The following SORBS2 variants were observed in gnomAD, a reference collection of about 807,000 sequenced individuals.
The protein encoded by SORBS2 is sorbin and SH3 domain containing 2.
SORBS2 carries 46 observed loss-of-function variants against 97.7 expected under a neutral mutation model. The ratio of observed to expected loss-of-function variants is 0.47; its 90% confidence interval spans 0.37 to 0.60. SORBS2 has a LOEUF of 0.60. Among genes scored for constraint, SORBS2 ranks in the 20% least tolerant of loss-of-function variants. The pLI, the probability that SORBS2 is intolerant of heterozygous loss-of-function variation, is 0.00. For synonymous variants in SORBS2, 476 were observed against 473.4 expected, an observed-to-expected ratio of 1.01 and a Z score of -0.07; for missense variants, 1,316 against 1,282.3, an observed-to-expected ratio of 1.03 and a Z score of -0.40.
intron 1 of SORBS2, among the ~76,000 whole-genome samples, chr4:185,784,266 G>A (rs532412091): frequency 6.6e-6 from 1 of 152,182 alleles, no homozygotes; most frequent in East Asian, 1.9e-4. Flanking sequence ...CGAGTAGCTG[G>A]GACTACAGGC....
At chr4:185,869,938 T>C (rs892991312) in intron 1 of SORBS2, among the ~76,000 whole-genome samples, 46 of 152,242 alleles carry the variant, frequency 3.0e-4, no homozygotes, top group Admixed American at 3.0e-3. Flanking sequence ...AAATAAAATA[T>C]TCCCATAAGA....
At chr4:185,797,423 C>T (rs1375794936) in intron 1 of SORBS2, among the ~76,000 whole-genome samples, 1 of 152,158 alleles carries the variant, frequency 6.6e-6, no homozygotes, top group African/African-American at 2.4e-5. Context: ...CATTACTTTT[C>T]CTCTGTAAAG....
intron 2 of SORBS2, among the ~76,000 whole-genome samples, chr4:185,694,706 C>CTTTCTTTTTT (rs1388020260): frequency 1.6e-5 from 2 of 124,246 alleles, no homozygotes; most frequent in African/African-American, 5.9e-5. Context: ...CCTTTTCTTT[C>CTTTCTTTTTT]TTTTCTTTTC....
intron 1 of SORBS2, among the ~76,000 whole-genome samples, chr4:185,805,987 C>G (rs895467835): frequency 5.3e-5 from 8 of 152,212 alleles, no homozygotes; most frequent in Non-Finnish European, 7.3e-5. Context: ...TTTTAAGCAG[C>G]CAAGCGTTGC....
At chr4:185,814,821 T>C (rs1229548671) in intron 1 of SORBS2, among the ~76,000 whole-genome samples, 1 of 152,246 alleles carries the variant, frequency 6.6e-6, no homozygotes, top group African/African-American at 2.4e-5. Context: ...CAGTCTGTTC[T>C]TCCAAGGCTC....
chr4:185,728,507 A>G (rs993006423), intron 2 of SORBS2, among the ~76,000 whole-genome samples: 1 of 151,966 alleles, frequency 6.6e-6, no homozygotes, highest in Non-Finnish European at 1.5e-5. Context: ...TTGTGTAAGC[A>G]TGGTGGTCGG....
intron 4 of SORBS2, among the ~76,000 whole-genome samples, chr4:185,639,774 C>G (rs1319046181): frequency 6.6e-6 from 1 of 152,158 alleles, no homozygotes; most frequent in Non-Finnish European, 1.5e-5. Context: ...CTGTGACTCC[C>G]AAGACATATT....
Position 185,623,801 on chromosome 4 carries a change from G to T in SORBS2, c.1328C>A (p.Pro443Gln). 2 of 1,614,174 alleles carry T rather than the reference G, an allele frequency of 1.2e-6. No homozygotes were observed. Among genetic ancestry groups the T allele is most frequent in the Non-Finnish European group, 1.7e-6 (2 of 1,180,032 alleles). ...CCTCTTGGGACATAGGCCATTTTGCGGTGGTTCTAGGGTTACGGGAGACAG... is the reference window on the plus strand; with the variant it reads ...CCTCTTGGGACATAGGCCATTTTGCTGTGGTTCTAGGGTTACGGGAGACAG... Residue 443 changes from proline to glutamine, a missense_variant, in exon 7 of 15, where the codon CCG becomes CAG. Physicochemically the swap from Pro to Gln is moderately conservative, Grantham distance 76 (BLOSUM62 -1). Transcript: ENST00000418609. The surrounding 1 kb of genome is among the most constrained non-coding windows in gnomAD (Gnocchi z 6.4).
intron 4 of SORBS2, chr4:185,635,389 T>G (rs1470148762): frequency 6.2e-7 from 1 of 1,613,874 alleles, no homozygotes; most frequent in Non-Finnish European, 8.5e-7. Context: ...ATCTTGAACA[T>G]AGTCCAGAGG....
chr4:185,908,290 T>TATATATATATATATTTGTATACACACAA (rs1561289359), intron 1 of SORBS2, among the ~76,000 whole-genome samples: 20 of 49,242 alleles, frequency 4.1e-4, no homozygotes, highest in South Asian at 1.2e-3. Flanking sequence ...TATATATATA[T>TATATATATATATATTTGTATACACACAA]ATATATATAT....
chr4:185,768,872 G>A (rs1436993955), intron 2 of SORBS2, among the ~76,000 whole-genome samples: 1 of 152,144 alleles, frequency 6.6e-6, no homozygotes, highest in Non-Finnish European at 1.5e-5. Flanking sequence ...GCTACAGAGT[G>A]AAATTCCATA....
chr4:185,722,296 A>C (rs1485233542), intron 2 of SORBS2, among the ~76,000 whole-genome samples: 2 of 152,238 alleles, frequency 1.3e-5, no homozygotes, highest in Non-Finnish European at 2.9e-5. Flanking sequence ...CTGGTAAGAC[A>C]AAAAGAGTTT....
At chr4:185,852,192 CTG>C (rs2099218261) in intron 1 of SORBS2, among the ~76,000 whole-genome samples, 1 of 152,194 alleles carries the variant, frequency 6.6e-6, no homozygotes, top group Admixed American at 6.5e-5. Context: ...CTCTCTAAAA[CTG>C]TAAATTCGGC....
At chr4:185,713,508 G>A (rs2098441406) in intron 2 of SORBS2, among the ~76,000 whole-genome samples, 1 of 152,190 alleles carries the variant, frequency 6.6e-6, no homozygotes, top group African/African-American at 2.4e-5. Flanking sequence ...ATCATGGGGT[G>A]GAACCTATAA....
intron 1 of SORBS2, among the ~76,000 whole-genome samples, chr4:185,927,448 C>T (rs1259576199): frequency 6.6e-6 from 1 of 151,628 alleles, no homozygotes; most frequent in African/African-American, 2.4e-5. Context: ...GCCCCCCACC[C>T]CCTGACAGGC....
At position 185,718,124 on chromosome 4, in the gene SORBS2, G is replaced by A. The variant is rs182570769; in HGVS notation, c.-197-39302C>T. Among the ~76,000 whole-genome samples, 24 of 152,148 alleles carry A rather than the reference G, an allele frequency of 1.6e-4. No homozygotes were observed. The East Asian group carries it at 4.1e-3, about 26-fold the overall frequency. On this transcript the variant is annotated intron_variant, in intron 2 of 20. Coordinates refer to the SORBS2 transcript ENST00000284776. The stretch of plus-strand genomic sequence containing the variant: ...CGGGCGCCTATAATCCCAGCTACTC[G>A]GGAGGCTGAGGCAGGAGAATCGCTT...
At chr4:185,594,125 T>C (rs2096026696) in intron 12 of SORBS2, 190 bp from the exon 25 acceptor site, 2 of 559,148 alleles carry the variant, frequency 3.6e-6, no homozygotes, top group Middle Eastern at 4.8e-4. Context: ...AGCTTTAAAT[T>C]AAAGCAAAAT....
Position 185,623,670 on chromosome 4 carries a change from C to T in SORBS2, c.1459G>A (p.Val487Ile). Reference sequence around the variant, plus strand: ...GCTCGGGGCTGCTCATCGCTGGTGACTTCAATGTGAATGGGCACCAGGGCG... The same window carrying T: ...GCTCGGGGCTGCTCATCGCTGGTGATTTCAATGTGAATGGGCACCAGGGCG... The change falls in exon 7 of 15, where the codon GTC (valine) becomes ATC (isoleucine). Residue 487 changes from valine to isoleucine, a missense_variant. By Grantham distance (29) the Val-to-Ile change is conservative. Transcript: ENST00000418609. This position sits in a 1 kb window ranked among gnomAD's most constrained non-coding sequence, Gnocchi z 6.4. 6.2e-7 allele frequency: 1 copy of T among 1,614,088 alleles called. No individual in the cohort carries two copies. Among genetic ancestry groups the T allele is most frequent in the Non-Finnish European group, 8.5e-7 (1 of 1,180,040 alleles).
intron 2 of SORBS2, among the ~76,000 whole-genome samples, chr4:185,718,692 C>T: frequency 6.6e-6 from 1 of 152,198 alleles, no homozygotes; most frequent in East Asian, 1.9e-4. Flanking sequence ...AGCAACAAAA[C>T]AATGCACTTC....
Sources: gnomAD v4.1 joint callset for allele counts (sites outside exome capture counted in the v4.1 genomes callset) on GRCh38, gnomAD v4.1.1 for gene constraint, Gnocchi (gnomAD v3.1) non-coding constraint, MANE v1.5 for transcripts, NCBI Gene and HGNC (gene_info 2026-07-23, HGNC 2026-07-21) for gene names.